The following SPIDR variants were observed in gnomAD, a reference collection of about 807,000 sequenced individuals.
SPIDR encodes DNA repair-scaffolding protein.
In SPIDR, 93 loss-of-function variants were observed where a neutral mutation model predicts 104.6. The ratio of observed to expected loss-of-function variants is 0.89; its 90% CI spans 0.75 to 1.06. The LOEUF (loss-of-function observed/expected upper bound fraction) is 1.06. Ranked by LOEUF, SPIDR falls within the 50% of genes least tolerant of loss-of-function variation. SPIDR has a pLI of 0.00. For synonymous variants in SPIDR, 431 were observed against 416.9 expected, an observed-to-expected ratio of 1.03 and a Z score of -0.41; for missense variants, 1,154 against 1,111.2, an observed-to-expected ratio of 1.04 and a Z score of -0.55.
chr8:47,729,534 G>A (rs988727855), intron 19 of SPIDR, 69 bp downstream of exon 19: 102 of 1,526,714 alleles, frequency 6.7e-5, no homozygotes, highest in East Asian at 3.1e-4. Flanking sequence ...CATCCCCAGA[G>A]GAAGCCCCCA....
At chr8:47,462,849 T>C (rs998709827) in intron 8 of SPIDR, among the ~76,000 whole-genome samples, 14 of 151,990 alleles carry the variant, frequency 9.2e-5, no homozygotes, top group Admixed American at 8.5e-4. Context: ...AAAAAACTGG[T>C]CAAATTACTA....
In SPIDR at chr8:47,700,430, CA is replaced by C. The variant is rs759979971; in HGVS notation, c.1714del (p.Thr572ProfsTer9). ...CAGCGGGGATTTTCAGTTTGATTGA[CA>C]CCCTGTGGCCCCCAGCGATACCTCT... is the stretch of plus-strand genomic sequence containing the variant. ...RTAGIFSLID[T>X]LWPPAIPLKT... On this transcript the variant is annotated frameshift_variant, in exon 12 of 20. Coordinates refer to ENST00000297423, the MANE Select transcript of SPIDR (RefSeq NM_001080394.4). LOFTEE classifies it high-confidence loss of function. 1.9e-6 allele frequency: 3 copies of C among 1,614,086 alleles called. No individual in the cohort carries two copies. The South Asian group carries it at 3.3e-5, about 18-fold the overall frequency.
At chr8:47,421,463 G>A (rs539022920) in intron 7 of SPIDR, among the ~76,000 whole-genome samples, 4 of 152,262 alleles carry the variant, frequency 2.6e-5, no homozygotes, top group South Asian at 2.1e-4. Flanking sequence ...AGCTCCATGA[G>A]GTCCTGAAAT....
At chr8:47,329,754 A>G (rs782730919) in intron 5 of SPIDR, among the ~76,000 whole-genome samples, 1 of 152,178 alleles carries the variant, frequency 6.6e-6, no homozygotes, top group Non-Finnish European at 1.5e-5. Flanking sequence ...GTATACGTTT[A>G]TAGTGTTAGA....
chr8:47,604,814 C>T (rs1420179131), intron 10 of SPIDR, among the ~76,000 whole-genome samples: 2 of 152,156 alleles, frequency 1.3e-5, no homozygotes, highest in Non-Finnish European at 2.9e-5. Context: ...TATGAGACAT[C>T]GAAGAAGAGA....
At position 47,592,030 on chromosome 8, in the gene SPIDR, T is replaced by C. The variant is rs547910667; in HGVS notation, c.1098-3781T>C. ...TTTAATCACCAAAGGACTGAAGATG[T>C]CTGGGCTTTTTTATTCAGTAATGTT... is the stretch of plus-strand genomic sequence containing the variant. On this transcript the variant is annotated intron_variant, in intron 8 of 19. Coordinates refer to ENST00000297423, the MANE Select transcript of SPIDR (RefSeq NM_001080394.4). 6.4e-4 allele frequency: 506 copies of C among 787,988 alleles called. 2 individuals are homozygous for C. In the African/African-American group the frequency reaches 8.4e-3, roughly 13 times the overall value. The allele number at this position is 787,988 out of a possible 1,614,324, so 48.8% of individuals were successfully genotyped here.
intron 8 of SPIDR, among the ~76,000 whole-genome samples, chr8:47,484,854 C>G (rs562935477): frequency 6.6e-6 from 1 of 152,132 alleles, no homozygotes; most frequent in Non-Finnish European, 1.5e-5. Flanking sequence ...GAAACAGATC[C>G]AGACCCGGAC....
chr8:47,661,500 C>T (rs1183606374), intron 10 of SPIDR, among the ~76,000 whole-genome samples: 1 of 152,256 alleles, frequency 6.6e-6, no homozygotes, highest in Non-Finnish European at 1.5e-5. Context: ...ATGTACTCAA[C>T]TGCTTCCCAA....
chr8:47,304,437 T>G (rs1375614874), intron 5 of SPIDR, among the ~76,000 whole-genome samples: 1 of 152,136 alleles, frequency 6.6e-6, no homozygotes, highest in African/African-American at 2.4e-5. Context: ...GAGGCCAAGA[T>G]GGGAGGATCA....
chr8:47,500,617 C>A lies in SPIDR; in HGVS notation c.1097+60075C>A, dbSNP rs181198788. On this transcript the variant is annotated intron_variant, in intron 8 of 19. Coordinates refer to ENST00000297423, the MANE Select transcript of SPIDR (RefSeq NM_001080394.4). ...TGCCTGTTCACTCTGATGGTAGTTTCTTTTGCCGTGCAGAAGCTCTTTAGT... is the reference window on the plus strand; with the variant it reads ...TGCCTGTTCACTCTGATGGTAGTTTATTTTGCCGTGCAGAAGCTCTTTAGT... 2.6e-5 allele frequency among the ~76,000 whole-genome samples: 4 copies of A among 152,256 alleles called. No homozygotes were observed. The East Asian group carries it at 7.7e-4, about 29-fold the overall frequency.
intron 11 of SPIDR, among the ~76,000 whole-genome samples, chr8:47,681,617 A>C (rs960910051): frequency 1.3e-5 from 2 of 152,240 alleles, no homozygotes; most frequent in African/African-American, 4.8e-5. Flanking sequence ...CTAAGGTCTT[A>C]GTCCCAAGTC....
chr8:47,715,950 C>T (rs2154490086), intron 16 of SPIDR, among the ~76,000 whole-genome samples: 1 of 151,424 alleles, frequency 6.6e-6, no homozygotes, highest in East Asian at 1.9e-4. Flanking sequence ...GGGGTTTGTG[C>T]CTCTCTCTTT....
intron 5 of SPIDR, among the ~76,000 whole-genome samples, chr8:47,322,136 A>T (rs2046755633): frequency 6.6e-6 from 1 of 152,230 alleles, no homozygotes; most frequent in South Asian, 2.1e-4. Context: ...AGCAAAAGAA[A>T]CTACCATCTG....
At chr8:47,730,893 A>G (rs1014721287) in intron 19 of SPIDR, among the ~76,000 whole-genome samples, 1 of 152,208 alleles carries the variant, frequency 6.6e-6, no homozygotes, top group Non-Finnish European at 1.5e-5. Flanking sequence ...TGGAACATGG[A>G]TAAGTCTATG....
chr8:47,525,773 C>CAA (rs748970837), intron 8 of SPIDR, among the ~76,000 whole-genome samples: 115 of 109,038 alleles, frequency 1.1e-3, no homozygotes, highest in Admixed American at 7.6e-3. Flanking sequence ...GACCCTGCCT[C>CAA]AAAAAAAAAA....
chr8:47,447,922 C>A lies in SPIDR; in HGVS notation c.1097+7380C>A, dbSNP rs371596475. On this transcript the variant is annotated intron_variant, in intron 8 of 19. Transcript: ENST00000297423. ...CTAAGGTATGCACTTTTTTTAGATACAATGCTGTTGCACACCTTATAGGCT... is the reference window on the plus strand; with the variant it reads ...CTAAGGTATGCACTTTTTTTAGATAAAATGCTGTTGCACACCTTATAGGCT... Among the ~76,000 whole-genome samples the A allele has an allele frequency of 2.6e-5, 4 of 152,118 alleles. No individual in the cohort carries two copies. The East Asian group carries it at 7.7e-4, about 29-fold the overall frequency.
intron 8 of SPIDR, among the ~76,000 whole-genome samples, chr8:47,503,037 G>A (rs548068036): frequency 6.6e-6 from 1 of 152,328 alleles, no homozygotes; most frequent in Admixed American, 6.5e-5. Flanking sequence ...TACATTTGCT[G>A]AGGAGTGCTT....
At chr8:47,492,830 T>A (rs1387582515) in intron 8 of SPIDR, among the ~76,000 whole-genome samples, 1 of 152,200 alleles carries the variant, frequency 6.6e-6, no homozygotes, top group Non-Finnish European at 1.5e-5. Flanking sequence ...CAAGTGCATT[T>A]TCTGTTGTTC....
chr8:47,423,862 A>G (rs1427861314), intron 7 of SPIDR, among the ~76,000 whole-genome samples: 3 of 152,214 alleles, frequency 2.0e-5, no homozygotes, highest in African/African-American at 7.2e-5. Context: ...TTCACGAATC[A>G]TTGTATTTTT....
Sources: allele counts gnomAD v4.1 joint callset (sites outside exome capture counted in the v4.1 genomes callset), GRCh38; gene constraint gnomAD v4.1.1; transcripts MANE v1.5; gene names NCBI Gene and HGNC (gene_info 2026-07-23, HGNC 2026-07-21).